GPR55: variants seen among roughly 807,000 people sequenced by gnomAD.
GPR55 encodes G-protein coupled receptor 55.
GPR55 carries 6 observed loss-of-function variants against 7.9 expected under a neutral mutation model. The ratio of observed to expected loss-of-function variants is 0.76; its 90% confidence interval spans 0.41 to 1.49. The LOEUF (loss-of-function observed/expected upper bound fraction) is 1.49, where lower values mean the gene tolerates loss of function less well. Ranked by LOEUF, GPR55 falls within the 40% of genes most tolerant of loss-of-function variation. The pLI, the probability that GPR55 is intolerant of heterozygous loss-of-function variation, is 0.01. For synonymous variants in GPR55, 183 were observed against 166.8 expected, an observed-to-expected ratio of 1.10 and a Z score of -0.75; for missense variants, 376 against 406.0, an observed-to-expected ratio of 0.93 and a Z score of 0.63.
intron 1 of GPR55, among the ~76,000 whole-genome samples, chr2:230,942,983 G>T (rs907727786): frequency 1.3e-5 from 2 of 151,804 alleles, no homozygotes; most frequent in African/African-American, 2.4e-5. Context: ...TGTTCCCCTA[G>T]GATTTGTCCT....
intron 1 of GPR55, among the ~76,000 whole-genome samples, chr2:230,941,929 G>A (rs1691239676): frequency 6.6e-6 from 1 of 152,182 alleles, no homozygotes; most frequent in African/African-American, 2.4e-5. Flanking sequence ...GTTATTGACT[G>A]ATCATTGAGA....
At chr2:230,926,682 C>CTTTTT (rs56318183), upstream of GPR55, among the ~76,000 whole-genome samples, 12 of 100,938 alleles carry the variant, frequency 1.2e-4, no homozygotes, top group Admixed American at 2.0e-4. Context: ...TGGCTACCTT[C>CTTTTT]TTTTTTTTTT....
intron 1 of GPR55, among the ~76,000 whole-genome samples, chr2:230,920,363 T>C (rs918356564): frequency 6.6e-6 from 1 of 151,952 alleles, no homozygotes; most frequent in African/African-American, 2.4e-5. Flanking sequence ...GGGTCAGAGA[T>C]GAGCATTTCA....
chr2:230,934,587 C>T (rs528707650), intron 1 of GPR55, among the ~76,000 whole-genome samples: 2 of 152,238 alleles, frequency 1.3e-5, no homozygotes, highest in East Asian at 1.9e-4. Context: ...CCTCCCTCCC[C>T]GGGGCCCACT....
At chr2:230,943,813 T>C (rs1691271927) in intron 1 of GPR55, among the ~76,000 whole-genome samples, 2 of 152,156 alleles carry the variant, frequency 1.3e-5, no homozygotes, top group African/African-American at 2.4e-5. Flanking sequence ...ACTCTGGCCA[T>C]GTGAGATGCC....
intron 1 of GPR55, among the ~76,000 whole-genome samples, chr2:230,934,026 C>G (rs1407011012): frequency 1.3e-5 from 2 of 152,134 alleles, no homozygotes; most frequent in African/African-American, 2.4e-5. Context: ...TCCCTCTCCT[C>G]GCCTCTATTG....
At chr2:230,920,830 G>A (rs993808109) in intron 1 of GPR55, among the ~76,000 whole-genome samples, 4 of 148,250 alleles carry the variant, frequency 2.7e-5, no homozygotes, top group Non-Finnish European at 5.9e-5. Context: ...GAAAACAGAG[G>A]GGCAACCTCA....
At chr2:230,951,757 T>G (rs900461481) in intron 1 of GPR55, among the ~76,000 whole-genome samples, 3 of 39,088 alleles carry the variant, frequency 7.7e-5, no homozygotes, top group East Asian at 2.0e-3. Context: ...GTTATTGGGG[T>G]TTTTTTTTTT....
At chr2:230,922,395 A>C (rs1690858477) in intron 1 of GPR55, among the ~76,000 whole-genome samples, 1 of 151,914 alleles carries the variant, frequency 6.6e-6, no homozygotes, top group Non-Finnish European at 1.5e-5. Flanking sequence ...TGTTTGTTTA[A>C]GTTAGCATCT....
Position 230,944,032 on chromosome 2 carries a change from C to T in GPR55, c.-135+16743G>A, listed in dbSNP as rs1422698480. Among the ~76,000 whole-genome samples, 2 of 152,346 alleles carry T rather than the reference C, an allele frequency of 1.3e-5. No individual in the cohort carries two copies. Among genetic ancestry groups the T allele is most frequent in the East Asian group, 3.9e-4 (2 of 5,188 alleles). ...TCTTAGGAAGGGGCCCTCGGGCTGT[C>T]CCTCTTCTCCCTGGCCCTAGCCCAG... On this transcript the variant is annotated intron_variant, in intron 1 of 1. Coordinates refer to the GPR55 transcript ENST00000392039. The surrounding 1 kb of genome is among the most constrained non-coding windows in gnomAD (Gnocchi z 4.2).
At chr2:230,957,993 T>C (rs537060734) in intron 1 of GPR55, 58 of 409,128 alleles carry the variant, frequency 1.4e-4, no homozygotes, top group South Asian at 1.2e-3. Context: ...CTGAAGTCAG[T>C]GTGAACAAAG....
intron 1 of GPR55, chr2:230,957,581 G>A (rs1022083209): frequency 2.4e-6 from 1 of 417,762 alleles, no homozygotes; most frequent in African/African-American, 2.1e-5. Context: ...GTGGAGGCGG[G>A]GAGTCGTCCC....
At chr2:230,933,832 CT>C (rs1426991961) in intron 1 of GPR55, among the ~76,000 whole-genome samples, 1 of 152,122 alleles carries the variant, frequency 6.6e-6, no homozygotes, top group Non-Finnish European at 1.5e-5. Context: ...TGAAGCTCTG[CT>C]GTGGGGGTGG....
intron 1 of GPR55, among the ~76,000 whole-genome samples, chr2:230,922,993 A>G (rs1357683090): frequency 6.6e-6 from 1 of 152,106 alleles, no homozygotes; most frequent in East Asian, 1.9e-4. Flanking sequence ...CGTGAGCCCG[A>G]GCACCCGGCC....
At chr2:230,952,312 A>G (rs1476583757) in intron 1 of GPR55, among the ~76,000 whole-genome samples, 3 of 152,214 alleles carry the variant, frequency 2.0e-5, no homozygotes, top group African/African-American at 7.2e-5. Flanking sequence ...GCCTTCAGTA[A>G]TAATATTGGA....
chr2:230,957,123 C>T (rs1473171187), intron 1 of GPR55, among the ~76,000 whole-genome samples: 1 of 152,166 alleles, frequency 6.6e-6, no homozygotes, highest in African/African-American at 2.4e-5. Flanking sequence ...AAAACCAGCA[C>T]ACATTCTTTT....
rs144590114 is a variant in GPR55 at position 230,921,779 on chromosome 2, C to T, written c.-135+3389G>A. ...GCACAGCTCTGATCACCCTAGGACCCGAGGCTGTCTGTCTGCAGGGGCTGA... is the reference window on the plus strand; with the variant it reads ...GCACAGCTCTGATCACCCTAGGACCTGAGGCTGTCTGTCTGCAGGGGCTGA... On this transcript the variant is annotated intron_variant, in intron 1 of 1. Transcript: ENST00000650999. Among the ~76,000 whole-genome samples the T allele has an allele frequency of 4.6e-3, 698 of 152,214 alleles. 5 individuals carry two copies. Among genetic ancestry groups the T allele is most frequent in the African/African-American group, 0.016 (670 of 41,524 alleles).
intron 1 of GPR55, among the ~76,000 whole-genome samples, chr2:230,958,586 AC>A (rs1350010760): frequency 6.6e-6 from 1 of 152,176 alleles, no homozygotes; most frequent in Non-Finnish European, 1.5e-5. Flanking sequence ...CACTCTGGTA[AC>A]CATCCTAACT....
intron 1 of GPR55, among the ~76,000 whole-genome samples, chr2:230,940,958 A>G (rs1319651866): frequency 6.6e-6 from 1 of 151,914 alleles, no homozygotes; most frequent in Admixed American, 6.5e-5. Context: ...CTCTATTAAA[A>G]TACAAAAAAT....
Sources: allele counts gnomAD v4.1 joint callset (sites outside exome capture counted in the v4.1 genomes callset), GRCh38; gene constraint gnomAD v4.1.1; non-coding constraint Gnocchi (gnomAD v3.1); transcripts MANE v1.5; gene names NCBI Gene and HGNC (gene_info 2026-07-23, HGNC 2026-07-21).